SRGAP3: variants seen among roughly 807,000 people sequenced by gnomAD.
The protein encoded by SRGAP3 is SLIT-ROBO Rho GTPase-activating protein 3.
A neutral mutation model predicts 121.1 loss-of-function variants in SRGAP3; 39 were observed. That is an observed-to-expected ratio of 0.32 (90% CI 0.25 to 0.42). SRGAP3 has a LOEUF of 0.42. Ranked by LOEUF, SRGAP3 falls within the 10% of genes least tolerant of loss-of-function variation. The pLI is 1.00. For missense variants in SRGAP3, 1,213 were observed against 1,470.6 expected (o/e 0.82, Z 2.86); for synonymous variants, 601 against 570.0 (o/e 1.05, Z -0.77).
intron 1 of SRGAP3, among the ~76,000 whole-genome samples, chr3:9,229,136 C>T (rs1295804031): frequency 6.6e-6 from 1 of 150,688 alleles, no homozygotes; most frequent in African/African-American, 2.4e-5. Context: ...TTATTAAGGG[C>T]ATAGTAGTCC....
chr3:9,322,988 CA>C (rs1955462025), intron 3 of SRGAP3, among the ~76,000 whole-genome samples: 1 of 151,764 alleles, frequency 6.6e-6, no homozygotes, highest in South Asian at 2.1e-4. Flanking sequence ...GACTCAGCAA[CA>C]AAAAAGACCT....
intron 4 of SRGAP3, among the ~76,000 whole-genome samples, chr3:9,072,867 G>A (rs954371121): frequency 1.3e-5 from 2 of 152,212 alleles, no homozygotes; most frequent in African/African-American, 4.8e-5. Flanking sequence ...GCTTCTCTCT[G>A]TGTATCTTCT....
intron 3 of SRGAP3, among the ~76,000 whole-genome samples, chr3:9,298,068 G>A (rs1399728042): frequency 6.6e-6 from 1 of 152,178 alleles, no homozygotes; most frequent in Non-Finnish European, 1.5e-5. Flanking sequence ...CCAGAATTGT[G>A]AGAAAATTAA....
chr3:9,217,514 A>G (rs1310946710), intron 1 of SRGAP3: 2 of 152,198 alleles, frequency 1.3e-5, no homozygotes, highest in Non-Finnish European at 2.9e-5. Context: ...AAGGGGATCT[A>G]CAGAGGGTGG....
intron 18 of SRGAP3, among the ~76,000 whole-genome samples, chr3:8,997,907 G>T (rs1480238606): frequency 1.3e-5 from 2 of 151,120 alleles, no homozygotes; most frequent in Non-Finnish European, 2.9e-5. Flanking sequence ...TTGAGACAGG[G>T]TCTCACTCTG....
intron 1 of SRGAP3, among the ~76,000 whole-genome samples, chr3:9,203,193 C>A (rs558474652): frequency 4.7e-4 from 72 of 152,242 alleles, no homozygotes; most frequent in African/African-American, 1.7e-3. Flanking sequence ...ATATCCCATG[C>A]CCCCACCAGC....
upstream of SRGAP3, among the ~76,000 whole-genome samples, chr3:9,254,421 A>G (rs1954081013): frequency 6.6e-6 from 1 of 152,172 alleles, no homozygotes; most frequent in Admixed American, 6.5e-5. Context: ...GTCACAGAAG[A>G]GTGGTTGTCA....
intron 18 of SRGAP3, among the ~76,000 whole-genome samples, chr3:9,001,384 TAAATA>T (rs1417311573): frequency 3.9e-5 from 6 of 152,186 alleles, no homozygotes; most frequent in Admixed American, 3.9e-4. Flanking sequence ...CATCAAAAAT[TAAATA>T]AAACTTCTAA....
intron 3 of SRGAP3, among the ~76,000 whole-genome samples, chr3:9,085,742 T>C (rs760308961): frequency 3.3e-5 from 5 of 152,128 alleles, no homozygotes; most frequent in Non-Finnish European, 5.9e-5. Flanking sequence ...TTCTTACTTA[T>C]AAGTGGGAGC....
At chr3:9,171,384 G>A (rs572272026) in intron 1 of SRGAP3, among the ~76,000 whole-genome samples, 87 of 152,292 alleles carry the variant, frequency 5.7e-4, no homozygotes, top group African/African-American at 1.9e-3. Flanking sequence ...ACATCTGTGC[G>A]CCTCAGTTCT....
At chr3:9,283,569 G>A (rs1954718254) in intron 3 of SRGAP3, among the ~76,000 whole-genome samples, 1 of 152,102 alleles carries the variant, frequency 6.6e-6, no homozygotes, top group African/African-American at 2.4e-5. Flanking sequence ...AGCTTGAATG[G>A]GATCTTTGGT....
At chr3:9,107,361 G>A (rs891709061) in intron 2 of SRGAP3, among the ~76,000 whole-genome samples, 1 of 152,236 alleles carries the variant, frequency 6.6e-6, no homozygotes, top group Non-Finnish European at 1.5e-5. Flanking sequence ...AGAGACATAC[G>A]CAGAGCATCA....
chr3:9,084,376 C>T (rs1401402544), intron 3 of SRGAP3, among the ~76,000 whole-genome samples: 1 of 152,144 alleles, frequency 6.6e-6, no homozygotes, highest in Non-Finnish European at 1.5e-5. Flanking sequence ...AAGAGAAAGA[C>T]TTCTGTGGTC....
At position 8,983,763 on chromosome 3, in the gene SRGAP3, C is replaced by T. The variant is rs1941544391; in HGVS notation, c.*1756G>A. 1 of 230,170 alleles carries T rather than the reference C, an allele frequency of 4.3e-6. No individual in the cohort carries two copies. Among genetic ancestry groups the T allele is most frequent in the Non-Finnish European group, 8.6e-6 (1 of 116,250 alleles). 14.3% of individuals were successfully genotyped at this position (230,170 alleles called of 1,614,324 possible). A position where few individuals can be genotyped will look rare whatever the true frequency, so the allele number is the denominator to read the frequency against. On this transcript the variant is annotated 3_prime_UTR_variant, in exon 22 of 22. Coordinates refer to ENST00000383836, the MANE Select transcript of SRGAP3 (RefSeq NM_014850.4). ...ACACAGCTTGCTCACTGATGTTTGA[C>T]CTTTATTACCCTATTTTATGGAGCA... is the stretch of plus-strand genomic sequence containing the variant.
chr3:9,027,989 C>T (rs763322772), intron 12 of SRGAP3: 4 of 1,302,510 alleles, frequency 3.1e-6, no homozygotes, highest in Admixed American at 1.7e-5. Flanking sequence ...AGGGACAGGA[C>T]AAGAATATGG....
At chr3:9,156,202 G>A (rs1172862841) in intron 1 of SRGAP3, among the ~76,000 whole-genome samples, 1 of 152,244 alleles carries the variant, frequency 6.6e-6, no homozygotes, top group Non-Finnish European at 1.5e-5. Flanking sequence ...CTTATCATCA[G>A]AAGTGAGTTT....
chr3:8,987,255 C>A (rs1326261029), intron 21 of SRGAP3, among the ~76,000 whole-genome samples: 2 of 152,168 alleles, frequency 1.3e-5, no homozygotes, highest in East Asian at 3.9e-4. Context: ...CCGCATCCGA[C>A]AGACATGAGA....
chr3:9,080,704 C>T (rs980178792), intron 3 of SRGAP3, among the ~76,000 whole-genome samples: 26 of 152,246 alleles, frequency 1.7e-4, no homozygotes, highest in South Asian at 8.3e-4. Context: ...CCTGTCAGAT[C>T]AGTGGTGGCA....
intron 4 of SRGAP3, among the ~76,000 whole-genome samples, chr3:9,071,315 T>C (rs569368079): frequency 2.0e-5 from 3 of 152,238 alleles, no homozygotes; most frequent in South Asian, 4.2e-4. Context: ...CCCTCCACTA[T>C]TCTCAGTACA....
Sources: gnomAD v4.1 joint callset for allele counts (sites outside exome capture counted in the v4.1 genomes callset) on GRCh38, gnomAD v4.1.1 for gene constraint, MANE v1.5 for transcripts, NCBI Gene and HGNC (gene_info 2026-07-23, HGNC 2026-07-21) for gene names.